The following TNFAIP3 variants were observed in gnomAD, a reference collection of about 807,000 sequenced individuals.
TNFAIP3 encodes TNF alpha induced protein 3.
A neutral mutation model predicts 72.4 loss-of-function variants in TNFAIP3; 9 were observed. The ratio of observed to expected loss-of-function variants is 0.12; its 90% CI spans 0.07 to 0.22. The LOEUF is 0.22. Among genes scored for constraint, TNFAIP3 ranks in the 10% least tolerant of loss-of-function variants. TNFAIP3 has a pLI of 1.00. For missense variants in TNFAIP3, 833 were observed against 1,018.7 expected, an observed-to-expected ratio of 0.82 and a Z score of 2.48; for synonymous variants, 339 against 372.6, an observed-to-expected ratio of 0.91 and a Z score of 1.04.
intron 7 of TNFAIP3, 63 bp downstream of exon 7, chr6:137,879,414 C>T (rs543462024): frequency 6.6e-7 from 1 of 1,522,722 alleles, no homozygotes; most frequent in Non-Finnish European, 8.8e-7. Context: ...TTGTTCCTGA[C>T]CTTTAAGAAA....
intron 1 of TNFAIP3, chr6:137,868,051 G>A (rs1562265460): frequency 6.5e-6 from 1 of 153,684 alleles, no homozygotes; most frequent in Non-Finnish European, 1.4e-5. Flanking sequence ...GACGCTCACG[G>A]GTCCTTGCAG....
In TNFAIP3 at chr6:137,867,612, G is replaced by A. The variant is rs1398854343; in HGVS notation, c.-16+70G>A. 1.3e-5 allele frequency: 2 copies of A among 152,602 alleles called. No individual in the cohort carries two copies. The highest frequency in any genetic ancestry group is 6.5e-5 in the Admixed American group (1 of 15,278). The allele number at this position is 152,602 out of a possible 1,614,324, so 9.5% of individuals were successfully genotyped here. A position where few individuals can be genotyped will look rare whatever the true frequency, so the allele number is the denominator to read the frequency against. On this transcript the variant is annotated intron_variant, in intron 1 of 8. Coordinates refer to ENST00000612899, the MANE Select transcript of TNFAIP3 (RefSeq NM_001270508.2). The surrounding 1 kb of genome is among the most constrained non-coding windows in gnomAD (Gnocchi z 6.0). ...AGTCAAGGGCTGCGGGTGCATGTTGGGCAGCGACCCCCGGGCTGGCACCGT... is the reference window on the plus strand; with the variant it reads ...AGTCAAGGGCTGCGGGTGCATGTTGAGCAGCGACCCCCGGGCTGGCACCGT...
chr6:137,878,775 G>C lies in TNFAIP3; in HGVS notation c.1330G>C (p.Glu444Gln). Reference sequence around the variant, plus strand: ...CGGGGCCTCTCGGGGAGAAGCCTATGAGCCCTTGGCGTGGAACCCTGAGGA... The same window carrying C: ...CGGGGCCTCTCGGGGAGAAGCCTATCAGCCCTTGGCGTGGAACCCTGAGGA... ...ALGASRGEAY[E>Q]PLAWNPEEST... is the part of the protein sequence containing the mutation. The change falls in exon 7 of 9, where the codon GAG becomes CAG. Residue 444 changes from glutamate (E) to glutamine (Q), a missense_variant. Coordinates refer to ENST00000612899, the MANE Select transcript of TNFAIP3 (RefSeq NM_001270508.2). The C allele has an allele frequency of 6.2e-7, 1 of 1,614,078 alleles. No individual in the cohort carries two copies. The highest frequency in any genetic ancestry group is 8.5e-7 in the Non-Finnish European group (1 of 1,180,010).
rs753955178 is a variant in TNFAIP3 at position 137,878,828 on chromosome 6, A to G, written c.1383A>G (p.Pro461=). 8 of 1,613,932 alleles carry G rather than the reference A, an allele frequency of 5.0e-6. No homozygotes were observed. The East Asian group carries it at 1.1e-4, about 22-fold the overall frequency. Residue 461 remains proline, a synonymous_variant, in exon 7 of 9, where the codon CCA becomes CCG. Transcript: ENST00000612899. ...CCACTGGGGGGCCTCATTCGGCCCC[A>G]CCGACAGCACCCAGCCCTTTTCTGT... ...EESTGGPHSA[P]PTAPSPFLFS... is the part of the protein sequence containing the mutation.
Position 137,867,408 on chromosome 6 carries a change from C to G in TNFAIP3, c.-150C>G, listed in dbSNP as rs1371210518. 2 of 152,652 alleles carry G rather than the reference C, an allele frequency of 1.3e-5. No individual in the cohort carries two copies. Among genetic ancestry groups the G allele is most frequent in the African/African-American group, 2.4e-5 (1 of 41,436 alleles). The allele number at this position is 152,652 out of a possible 1,614,324, so 9.5% of individuals were successfully genotyped here. A position where few individuals can be genotyped will look rare whatever the true frequency, so the allele number is the denominator to read the frequency against. On this transcript the variant is annotated 5_prime_UTR_variant, in exon 1 of 9. Transcript: ENST00000612899. This position sits in a 1 kb window ranked among gnomAD's most constrained non-coding sequence, Gnocchi z 6.0. ...GCGTCCATGGAGCGTCGCCTCCGCC[C>G]GGTCCCTGCCCCGACCCCCGCCTGC... is the stretch of plus-strand genomic sequence containing the variant.
chr6:137,881,370 G>C lies in TNFAIP3; in HGVS notation c.*51G>C. 1 of 1,485,812 alleles carries C rather than the reference G, an allele frequency of 6.7e-7. No homozygotes were observed. The highest frequency in any genetic ancestry group is 9.1e-7 in the Non-Finnish European group (1 of 1,103,120). 92.0% of individuals were successfully genotyped at this position (1,485,812 alleles called of 1,614,324 possible). On this transcript the variant is annotated 3_prime_UTR_variant, in exon 9 of 9. Transcript: ENST00000612899. This position sits in a 1 kb window ranked among gnomAD's most constrained non-coding sequence, Gnocchi z 5.0. The stretch of plus-strand genomic sequence containing the variant: ...CAAGAAGTGGGGCCTCGAGCTGTCA[G>C]TCATCATGGTGCTATCCTCTGAACC...
chr6:137,874,822 CTT>C, intron 2 of TNFAIP3, 21 bp from the exon 3 acceptor site: 2 of 1,550,772 alleles, frequency 1.3e-6, no homozygotes, highest in Non-Finnish European at 1.8e-6. Flanking sequence ...CTTTCCTTCT[CTT>C]CTCCTCCTTT....
chr6:137,872,748 G>T (rs1776103571), intron 2 of TNFAIP3, among the ~76,000 whole-genome samples: 1 of 152,130 alleles, frequency 6.6e-6, no homozygotes, highest in African/African-American at 2.4e-5. Context: ...CTTAGAGGTA[G>T]GTAATTATGT....
At chr6:137,873,369 C>T (rs1351615688) in intron 2 of TNFAIP3, among the ~76,000 whole-genome samples, 1 of 152,150 alleles carries the variant, frequency 6.6e-6, no homozygotes, top group Non-Finnish European at 1.5e-5. Context: ...AAAATTGAAA[C>T]TTCATGTGAA....
chr6:137,880,353 G>C (rs2114512125), intron 8 of TNFAIP3, 101 bp downstream of exon 8: 1 of 1,263,650 alleles, frequency 7.9e-7, no homozygotes, highest in Non-Finnish European at 1.1e-6. Context: ...CTCTCTGCCA[G>C]GTTCTGTCTC....
chr6:137,880,708 T>C (rs1233994194), intron 8 of TNFAIP3, among the ~76,000 whole-genome samples: 3 of 152,188 alleles, frequency 2.0e-5, no homozygotes, highest in Non-Finnish European at 1.5e-5. Context: ...GTGTCGCCTG[T>C]TGCTCACAGA....
Position 137,880,876 on chromosome 6 carries a change from C to G in TNFAIP3, c.2089-159C>G, listed in dbSNP as rs542617155. Among the ~76,000 whole-genome samples the G allele has an allele frequency of 2.6e-5, 4 of 152,290 alleles. No individual in the cohort carries two copies. The East Asian group carries it at 7.7e-4, about 29-fold the overall frequency. On this transcript the variant is annotated intron_variant, in intron 8 of 8. Coordinates refer to ENST00000612899, the MANE Select transcript of TNFAIP3 (RefSeq NM_001270508.2). ...TGGAAAGAAACATCCTTCGAGAGCT[C>G]TGGCTCATAGACTGCAATGCTCTCC...
chr6:137,868,420 C>A (rs1425754733), intron 1 of TNFAIP3, among the ~76,000 whole-genome samples: 1 of 152,110 alleles, frequency 6.6e-6, no homozygotes, highest in Non-Finnish European at 1.5e-5. Context: ...ATTGAGCAGC[C>A]AATGAATGCT....
chr6:137,874,654 A>G (rs1776174756), intron 2 of TNFAIP3, among the ~76,000 whole-genome samples, 191 bp from the exon 3 acceptor site: 1 of 152,220 alleles, frequency 6.6e-6, no homozygotes, highest in African/African-American at 2.4e-5. Context: ...AAGAATAAAA[A>G]GAACTCTTTT....
intron 7 of TNFAIP3, 152 bp downstream of exon 7, chr6:137,879,503 G>A (rs1289253551): frequency 1.1e-6 from 1 of 943,758 alleles, no homozygotes. Context: ...GGACAGTCAC[G>A]GTGGCCCTGC....
chr6:137,881,187 C>T lies in TNFAIP3; in HGVS notation c.2241C>T (p.Ala747=). 6.2e-7 allele frequency: 1 copy of T among 1,613,668 alleles called. No homozygotes were observed. Among genetic ancestry groups the T allele is most frequent in the East Asian group, 2.2e-5 (1 of 44,828 alleles). The stretch of plus-strand genomic sequence containing the variant: ...CCAACCAGAGGATGGGCCCTGGGGC[C>T]CACCGGGGTGAGCCTGCCCCCGAAG... The part of the protein sequence containing the change: ...QHPNQRMGPG[A]HRGEPAPEDP... The change falls in exon 9 of 9, where the codon GCC becomes GCT. Residue 747 remains alanine, a synonymous_variant. Coordinates refer to ENST00000612899, the MANE Select transcript of TNFAIP3 (RefSeq NM_001270508.2). The surrounding 1 kb of genome is among the most constrained non-coding windows in gnomAD (Gnocchi z 5.0).
At chr6:137,875,930 A>G in intron 4 of TNFAIP3, 66 bp from the exon 5 acceptor site, 3 of 1,600,350 alleles carry the variant, frequency 1.9e-6, no homozygotes. Flanking sequence ...TTCAGGTAAC[A>G]GAGTTCAATG....
intron 8 of TNFAIP3, 79 bp downstream of exon 8, chr6:137,880,331 A>T: frequency 6.8e-7 from 1 of 1,479,716 alleles, no homozygotes; most frequent in Admixed American, 1.8e-5. Flanking sequence ...CGACAGTGAC[A>T]AGCAGGCTTT....
At chr6:137,868,436 C>G (rs753773188) in intron 1 of TNFAIP3, among the ~76,000 whole-genome samples, 2 of 152,136 alleles carry the variant, frequency 1.3e-5, no homozygotes, top group Non-Finnish European at 2.9e-5. Flanking sequence ...ATGCTTCATT[C>G]TCATTGTTTA....
Sources: allele counts gnomAD v4.1 joint callset (sites outside exome capture counted in the v4.1 genomes callset), GRCh38; gene constraint gnomAD v4.1.1; non-coding constraint Gnocchi (gnomAD v3.1); transcripts MANE v1.5; gene names NCBI Gene and HGNC (gene_info 2026-07-23, HGNC 2026-07-21).